KSR2: variants seen among roughly 807,000 people sequenced by gnomAD.
KSR2 encodes the protein kinase suppressor of ras 2.
KSR2 carries 25 observed loss-of-function variants against 107.8 expected under a neutral mutation model. The observed-to-expected ratio is 0.23, with a 90% CI of 0.17 to 0.32. KSR2 has a LOEUF of 0.32. Among genes scored for constraint, KSR2 ranks in the 10% least tolerant of loss-of-function variants. The pLI is 1.00. For missense variants in KSR2, 887 were observed against 1,268.9 expected, an observed-to-expected ratio of 0.70 and a Z score of 4.57; for synonymous variants, 480 against 507.0, an observed-to-expected ratio of 0.95 and a Z score of 0.71.
chr12:117,923,312 G>T (rs1366562727), intron 1 of KSR2, among the ~76,000 whole-genome samples: 1 of 152,094 alleles, frequency 6.6e-6, no homozygotes, highest in Admixed American at 6.6e-5. Context: ...AGGGCCAAAG[G>T]CTTGCAGAAA....
chr12:117,661,378 A>G (rs1379791712), intron 5 of KSR2, among the ~76,000 whole-genome samples: 3 of 152,194 alleles, frequency 2.0e-5, no homozygotes, highest in Non-Finnish European at 4.4e-5. Context: ...GTAACTCTAC[A>G]TGGTTATGTA....
intron 14 of KSR2, among the ~76,000 whole-genome samples, chr12:117,492,752 G>A (rs1872812000): frequency 6.6e-6 from 1 of 152,146 alleles, no homozygotes; most frequent in Non-Finnish European, 1.5e-5. Flanking sequence ...AAAAGCAAAG[G>A]GGGAGACAAA....
In KSR2 at chr12:117,665,356, G is replaced by T. The variant is rs531457525; in HGVS notation, c.1171+2118C>A. ...GCTCAAATGTTTAAATCTGTGTTTT[G>T]TTGTCTTTTTTTTTAAAGCAGGAAG... On this transcript the variant is annotated intron_variant, in intron 5 of 19. Coordinates refer to ENST00000339824, the MANE Select transcript of KSR2 (RefSeq NM_173598.6). 5.3e-5 allele frequency among the ~76,000 whole-genome samples: 8 copies of T among 151,048 alleles called. No homozygotes were observed. In the East Asian group the frequency reaches 1.5e-3, roughly 29 times the overall value.
intron 14 of KSR2, among the ~76,000 whole-genome samples, chr12:117,519,074 T>C (rs950442319): frequency 6.6e-6 from 1 of 152,242 alleles, no homozygotes; most frequent in Non-Finnish European, 1.5e-5. Flanking sequence ...TGAGTGTCTA[T>C]CATGTGGTCT....
At chr12:117,689,927 A>G (rs1885745179) in intron 4 of KSR2, among the ~76,000 whole-genome samples, 2 of 151,834 alleles carry the variant, frequency 1.3e-5, no homozygotes, top group South Asian at 4.2e-4. Context: ...AATGCCTAGC[A>G]TGTGTGTAAT....
chr12:117,926,181 G>A (rs1895513163), intron 1 of KSR2, among the ~76,000 whole-genome samples: 1 of 152,208 alleles, frequency 6.6e-6, no homozygotes. Flanking sequence ...GTATGTGATA[G>A]AGTGAGACTC....
At chr12:117,647,022 GA>G (rs1289054252) in intron 5 of KSR2, among the ~76,000 whole-genome samples, 2 of 152,162 alleles carry the variant, frequency 1.3e-5, no homozygotes, top group African/African-American at 2.4e-5. Context: ...GTGACCAGGA[GA>G]AAGAAAGACG....
chr12:117,754,154 C>T (rs534293948), intron 4 of KSR2, among the ~76,000 whole-genome samples: 2 of 152,290 alleles, frequency 1.3e-5, no homozygotes, highest in South Asian at 2.1e-4. Context: ...CATTCCAACA[C>T]ACCTAGACAG....
At chr12:117,805,961 G>A (rs1890993348) in intron 3 of KSR2, among the ~76,000 whole-genome samples, 1 of 152,084 alleles carries the variant, frequency 6.6e-6, no homozygotes, top group East Asian at 1.9e-4. Context: ...CAGCCTAGGT[G>A]ACAGAGGAAG....
intron 3 of KSR2, among the ~76,000 whole-genome samples, chr12:117,811,768 A>C (rs1891197847): frequency 1.3e-5 from 2 of 152,226 alleles, no homozygotes; most frequent in South Asian, 4.1e-4. Flanking sequence ...TTATCACTAC[A>C]ATTAGCTAAG....
chr12:117,731,382 C>CTG (rs1887691796), intron 4 of KSR2, among the ~76,000 whole-genome samples: 1 of 146,888 alleles, frequency 6.8e-6, no homozygotes, highest in Non-Finnish European at 1.5e-5. Flanking sequence ...TGAGGAGCGT[C>CTG]TCCGCCCAGC....
chr12:117,938,363 G>A (rs1179202641), intron 1 of KSR2, among the ~76,000 whole-genome samples: 1 of 151,968 alleles, frequency 6.6e-6, no homozygotes. Flanking sequence ...TTTCAAAGCA[G>A]ACATCATAGG....
chr12:117,639,938 C>T (rs1184669357), intron 5 of KSR2, among the ~76,000 whole-genome samples: 1 of 152,114 alleles, frequency 6.6e-6, no homozygotes, highest in African/African-American at 2.4e-5. Flanking sequence ...AGAAGCCACT[C>T]TGTCATGCAT....
chr12:117,491,931 G>C (rs560834640), intron 14 of KSR2, among the ~76,000 whole-genome samples: 3 of 152,324 alleles, frequency 2.0e-5, no homozygotes, highest in African/African-American at 7.2e-5. Context: ...AGATTAACGA[G>C]GTCTGCTGGT....
At chr12:117,588,004 A>G (rs1301118740) in intron 5 of KSR2, among the ~76,000 whole-genome samples, 1 of 152,118 alleles carries the variant, frequency 6.6e-6, no homozygotes, top group Non-Finnish European at 1.5e-5. Context: ...TCTAACCCTG[A>G]CAAGACCATT....
rs371033149 is a variant in KSR2 at position 117,517,737 on chromosome 12, C to T, written c.2219+7115G>A. On this transcript the variant is annotated intron_variant, in intron 14 of 19. Coordinates refer to ENST00000339824, the MANE Select transcript of KSR2 (RefSeq NM_173598.6). ...TCAGCTGTGCTTTATAAAGGGAAAGCGATTCAGCTTTTTGAACATAAAAGG... is the reference window on the plus strand; with the variant it reads ...TCAGCTGTGCTTTATAAAGGGAAAGTGATTCAGCTTTTTGAACATAAAAGG... 55 of 428,958 alleles carry T rather than the reference C, an allele frequency of 1.3e-4. No individual in the cohort carries two copies. In the East Asian group the frequency reaches 2.0e-3, roughly 15 times the overall value. 26.6% of individuals were successfully genotyped at this position (428,958 alleles called of 1,614,324 possible). A position where few individuals can be genotyped will look rare whatever the true frequency, so the allele number is the denominator to read the frequency against.
rs146504245 is a variant in KSR2 at position 117,505,063 on chromosome 12, T to C, written c.2220-19372A>G. On this transcript the variant is annotated intron_variant, in intron 14 of 19. Coordinates refer to ENST00000339824, the MANE Select transcript of KSR2 (RefSeq NM_173598.6). ...ATAATGGCCTCCAGCTTCATCCAAG[T>C]TGCTGCAAAAGACATGATTTAGTTC... Among the ~76,000 whole-genome samples, 282 of 152,338 alleles carry C rather than the reference T, an allele frequency of 1.9e-3. 3 individuals carry two copies. The highest frequency in any genetic ancestry group is 6.5e-3 in the African/African-American group (270 of 41,578).
At chr12:117,708,668 T>C (rs936708711) in intron 4 of KSR2, among the ~76,000 whole-genome samples, 12 of 152,162 alleles carry the variant, frequency 7.9e-5, no homozygotes, top group African/African-American at 2.4e-4. Context: ...TTGCCCAAGG[T>C]CAATTTCCTT....
intron 1 of KSR2, among the ~76,000 whole-genome samples, chr12:117,911,823 A>C (rs1895026419): frequency 6.6e-6 from 1 of 152,158 alleles, no homozygotes; most frequent in Non-Finnish European, 1.5e-5. Flanking sequence ...TAAGTAACAT[A>C]TATAAAGAGC....
Sources: allele counts gnomAD v4.1 joint callset (sites outside exome capture counted in the v4.1 genomes callset), GRCh38; gene constraint gnomAD v4.1.1; transcripts MANE v1.5; gene names NCBI Gene and HGNC (gene_info 2026-07-23, HGNC 2026-07-21).